ADGRE1: variants seen among roughly 807,000 people sequenced by gnomAD.
The protein encoded by ADGRE1 is adhesion G protein-coupled receptor E1.
A neutral mutation model predicts 102.7 loss-of-function variants in ADGRE1; 82 were observed. The ratio of observed to expected loss-of-function variants is 0.80; its 90% CI spans 0.67 to 0.96. The LOEUF (loss-of-function observed/expected upper bound fraction) is 0.96, where lower values mean the gene tolerates loss of function less well. Among genes scored for constraint, ADGRE1 ranks in the 40% least tolerant of loss-of-function variants. ADGRE1 has a pLI of 0.00. For missense variants in ADGRE1, 1,032 were observed against 1,085.3 expected (o/e 0.95, Z 0.69); for synonymous variants, 398 against 399.6 (o/e 1.00, Z 0.05).
At chr19:6,931,608 G>A (rs1448085210) in intron 17 of ADGRE1, among the ~76,000 whole-genome samples, 2 of 152,108 alleles carry the variant, frequency 1.3e-5, no homozygotes, top group Non-Finnish European at 2.9e-5. Context: ...GACCAGCCTG[G>A]CCAACATGGC....
In ADGRE1 at chr19:6,904,137, C is replaced by T; in HGVS notation, c.904C>T (p.Pro302Ser). 1 of 1,614,174 alleles carries T rather than the reference C, an allele frequency of 6.2e-7. No homozygotes were observed. The highest frequency in any genetic ancestry group is 8.5e-7 in the Non-Finnish European group (1 of 1,180,036). ...CTGTGGCTGCATTGCAGGCTTTCAT[C>T]CCAATCCAGAAGGCTCCCAGAAAGA... ...YSCGCIAGFH[P>S]NPEGSQKDGN... The change falls in exon 8 of 21, where the codon CCC becomes TCC. Residue 302 changes from proline to serine, a missense_variant. Transcript: ENST00000312053.
chr19:6,897,974 C>T (rs1471827871), intron 5 of ADGRE1: 1 of 181,084 alleles, frequency 5.5e-6, no homozygotes, highest in African/African-American at 2.4e-5. Context: ...ACTTCCCCAC[C>T]CTTCCTCTCT....
chr19:6,935,074 A>G lies in ADGRE1; in HGVS notation c.2377A>G (p.Thr793Ala). ...TGCCGAAGTCTCAACGCTAAAAGAC[A>G]CCAGGTAAAGCCCTCTTTCACCTCC... ...VNAEVSTLKD[T>A]RLLTFKAFAQ... The change falls in exon 18 of 21, where the codon ACC (threonine) becomes GCC (alanine). Residue 793 changes from threonine (T) to alanine (A), a missense_variant. Thr to Ala is a moderately conservative substitution (Grantham distance 58). Coordinates refer to ENST00000312053, the MANE Select transcript of ADGRE1 (RefSeq NM_001974.5). 1 of 1,588,230 alleles carries G rather than the reference A, an allele frequency of 6.3e-7. No homozygotes were observed. The highest frequency in any genetic ancestry group is 1.1e-5 in the South Asian group (1 of 87,898).
intron 9 of ADGRE1, among the ~76,000 whole-genome samples, chr19:6,907,341 A>AAT (rs1555713817): frequency 2.8e-5 from 4 of 145,110 alleles, no homozygotes; most frequent in African/African-American, 1.0e-4. Context: ...AGTTCTAGAA[A>AAT]TTTTTTTTTT....
At chr19:6,923,656 A>G (rs67011688) in intron 14 of ADGRE1, among the ~76,000 whole-genome samples, 30,553 of 150,998 alleles carry the variant, frequency 0.2, 3,182 homozygotes, top group South Asian at 0.23. Context: ...TCAGCCTCCC[A>G]TGTAGCTGGG....
At chr19:6,911,841 C>T (rs1012579652) in intron 10 of ADGRE1, among the ~76,000 whole-genome samples, 2 of 150,680 alleles carry the variant, frequency 1.3e-5, no homozygotes, top group Non-Finnish European at 3.0e-5. Context: ...TACACACACA[C>T]CCCACACACA....
chr19:6,916,160 G>T, intron 11 of ADGRE1, 89 bp from the exon 12 acceptor site: 1 of 1,453,460 alleles, frequency 6.9e-7, no homozygotes, highest in Non-Finnish European at 9.4e-7. Flanking sequence ...TGCTCGCCAT[G>T]ATGGAGGTGT....
chr19:6,931,596 G>A (rs1300039115), intron 17 of ADGRE1, among the ~76,000 whole-genome samples: 2 of 152,080 alleles, frequency 1.3e-5, no homozygotes, highest in South Asian at 2.1e-4. Flanking sequence ...TCAGGAGTTC[G>A]AGACCAGCCT....
chr19:6,911,832 A>G (rs911779930), intron 10 of ADGRE1, among the ~76,000 whole-genome samples: 68 of 117,722 alleles, frequency 5.8e-4, no homozygotes, highest in African/African-American at 2.0e-3. Context: ...ACAAATGCAT[A>G]CACACACACC....
chr19:6,909,838 G>A (rs371257242), intron 10 of ADGRE1, among the ~76,000 whole-genome samples: 6 of 152,060 alleles, frequency 3.9e-5, no homozygotes, highest in Non-Finnish European at 4.4e-5. Flanking sequence ...AGGTTCAAGC[G>A]ATTCTCCTGC....
In ADGRE1 at chr19:6,924,906, C is replaced by T. The variant is rs146293395; in HGVS notation, c.1986+34C>T. The T allele has an allele frequency of 3.1e-6, 5 of 1,604,118 alleles. No individual in the cohort carries two copies. In the South Asian group the frequency reaches 4.4e-5, roughly 14 times the overall value. ...CGCTCGGGCTGTGTCCCCACCAAGC[C>T]CCATCTTCTCCCCACCTGCCTCAGC... On this transcript the variant is annotated intron_variant, in intron 15 of 20. Coordinates refer to ENST00000312053, the MANE Select transcript of ADGRE1 (RefSeq NM_001974.5).
At chr19:6,938,801 C>T (rs199885121) in intron 20 of ADGRE1, among the ~76,000 whole-genome samples, 2 of 137,786 alleles carry the variant, frequency 1.5e-5, no homozygotes, top group Non-Finnish European at 3.1e-5. Context: ...TTCTTTTTTT[C>T]TTTTTTTTTT....
Position 6,901,915 on chromosome 19 carries a change from T to C in ADGRE1, c.555T>C (p.His185=), listed in dbSNP as rs367846052. The change falls in exon 6 of 21, where the codon CAT becomes CAC. Residue 185 remains histidine (H), a synonymous_variant. Transcript: ENST00000312053. ...ECADPRACPE[H]ATCNNTVGNY... is the part of the protein sequence containing the mutation. The stretch of plus-strand genomic sequence containing the variant: ...CAGATCCAAGAGCTTGCCCAGAGCA[T>C]GCAACTTGTAATAACACTGTTGGAA... 2 of 1,614,186 alleles carry C rather than the reference T, an allele frequency of 1.2e-6. No individual in the cohort carries two copies. Among genetic ancestry groups the C allele is most frequent in the African/African-American group, 1.3e-5 (1 of 75,042 alleles).
chr19:6,929,815 C>T (rs1046230357), intron 17 of ADGRE1, among the ~76,000 whole-genome samples: 12 of 152,134 alleles, frequency 7.9e-5, no homozygotes, highest in African/African-American at 2.9e-4. Context: ...GCCACTATGA[C>T]CAGCTAATTT....
chr19:6,896,843 C>A (rs149803122), intron 3 of ADGRE1: 1 of 478,944 alleles, frequency 2.1e-6, no homozygotes, highest in Non-Finnish European at 3.7e-6. Context: ...AATTCCTGGT[C>A]ACTGTAAAAT....
intron 20 of ADGRE1, 105 bp downstream of exon 20, chr19:6,937,753 G>A (rs1975486718): frequency 3.1e-6 from 3 of 957,522 alleles, no homozygotes; most frequent in South Asian, 1.4e-5. Context: ...AGCTGAGGGT[G>A]CCCACCCTAG....
intron 14 of ADGRE1, 34 bp from the exon 15 acceptor site, chr19:6,924,644 T>C: frequency 6.3e-7 from 1 of 1,594,018 alleles, no homozygotes. Context: ...TTTGATCCCA[T>C]TCTCAGGCCA....
intron 8 of ADGRE1, among the ~76,000 whole-genome samples, chr19:6,904,753 G>A (rs4807107): frequency 3.3e-5 from 5 of 151,734 alleles, no homozygotes; most frequent in African/African-American, 7.3e-5. Context: ...TGATCAGCCC[G>A]CCTCGGCCTC....
At chr19:6,905,008 A>G (rs182393560) in intron 8 of ADGRE1, among the ~76,000 whole-genome samples, 28 of 152,108 alleles carry the variant, frequency 1.8e-4, no homozygotes, top group African/African-American at 6.5e-4. Flanking sequence ...ATATCTGATG[A>G]AGTGGACAGA....
Sources: gnomAD v4.1 joint callset for allele counts (sites outside exome capture counted in the v4.1 genomes callset) on GRCh38, gnomAD v4.1.1 for gene constraint, MANE v1.5 for transcripts, NCBI Gene and HGNC (gene_info 2026-07-23, HGNC 2026-07-21) for gene names.